The following SPMIP2 variants were observed in gnomAD, a reference collection of about 807,000 sequenced individuals.
SPMIP2 encodes protein SPMIP2.
the SPMIP2 span, among the ~76,000 whole-genome samples, chr4:158,895,246 G>A: frequency 1.0e-3 from 157 of 152,232 alleles, 1 homozygote; most frequent in Non-Finnish European, 1.3e-3. Flanking sequence ...ACCTGTTCCC[G>A]TCAGTCTCCT....
At chr4:158,987,912 A>G in the SPMIP2 span, among the ~76,000 whole-genome samples, 1 of 152,152 alleles carries the variant, frequency 6.6e-6, no homozygotes, top group African/African-American at 2.4e-5. Flanking sequence ...GAACTGAAGG[A>G]GATAGAGACA....
At chr4:158,930,803 A>C in the SPMIP2 span, among the ~76,000 whole-genome samples, 1 of 152,180 alleles carries the variant, frequency 6.6e-6, no homozygotes, top group African/African-American at 2.4e-5. Flanking sequence ...CACTGTGCCC[A>C]GCCTTTACTA....
chr4:159,005,368 T>G, the SPMIP2 span, among the ~76,000 whole-genome samples: 1 of 151,134 alleles, frequency 6.6e-6, no homozygotes, highest in African/African-American at 2.4e-5. Flanking sequence ...TGCTTAAACC[T>G]GGGAGGCAGA....
chr4:158,900,106 A>C, the SPMIP2 span, among the ~76,000 whole-genome samples: 1 of 152,226 alleles, frequency 6.6e-6, no homozygotes, highest in Non-Finnish European at 1.5e-5. Flanking sequence ...TTATGTACCC[A>C]GTAGTCATTC....
the SPMIP2 span, among the ~76,000 whole-genome samples, chr4:158,948,604 T>C: frequency 6.8e-6 from 1 of 146,408 alleles, no homozygotes; most frequent in Non-Finnish European, 1.5e-5. Flanking sequence ...TTTTTTTTTT[T>C]TCAATTCACA....
At chr4:158,922,264 G>A in the SPMIP2 span, among the ~76,000 whole-genome samples, 1 of 152,040 alleles carries the variant, frequency 6.6e-6, no homozygotes, top group Non-Finnish European at 1.5e-5. Context: ...CCTCTGCCTT[G>A]TGTATGGCCT....
chr4:158,980,760 C>T, the SPMIP2 span, among the ~76,000 whole-genome samples: 20 of 152,212 alleles, frequency 1.3e-4, no homozygotes, highest in African/African-American at 3.4e-4. Context: ...GAGAAACCAC[C>T]GCAAAAAGAC....
chr4:158,920,151 C>T, the SPMIP2 span, among the ~76,000 whole-genome samples: 1 of 152,160 alleles, frequency 6.6e-6, no homozygotes, highest in Non-Finnish European at 1.5e-5. Flanking sequence ...TTATGACTGT[C>T]TTTACTTTAA....
the SPMIP2 span, among the ~76,000 whole-genome samples, chr4:159,016,297 C>A: frequency 2.0e-5 from 3 of 152,118 alleles, no homozygotes; most frequent in Non-Finnish European, 4.4e-5. Context: ...GTTTTCCACG[C>A]ACTTCAAAAG....
chr4:158,996,613 G>A, the SPMIP2 span, among the ~76,000 whole-genome samples: 1 of 152,186 alleles, frequency 6.6e-6, no homozygotes, highest in Non-Finnish European at 1.5e-5. Flanking sequence ...GGAATCCAGG[G>A]TTGCTTTCTT....
chr4:158,950,782 G>A, the SPMIP2 span, among the ~76,000 whole-genome samples: 5 of 152,146 alleles, frequency 3.3e-5, no homozygotes, highest in African/African-American at 1.2e-4. Flanking sequence ...TGTAATCCCA[G>A]CTACTCAGGA....
the SPMIP2 span, chr4:159,026,341 G>A: frequency 3.0e-6 from 2 of 656,236 alleles, no homozygotes; most frequent in Middle Eastern, 2.8e-4. Context: ...GAAGTTTGAA[G>A]AAACTACAGC....
the SPMIP2 span, among the ~76,000 whole-genome samples, chr4:159,004,074 T>C: frequency 6.6e-6 from 1 of 152,026 alleles, no homozygotes; most frequent in Non-Finnish European, 1.5e-5. Context: ...TGGAGCACAG[T>C]GGCGCAATCC....
At chr4:159,066,877 T>C in the SPMIP2 span, among the ~76,000 whole-genome samples, 1 of 152,176 alleles carries the variant, frequency 6.6e-6, no homozygotes, top group Non-Finnish European at 1.5e-5. Context: ...AGCGCTGCCT[T>C]TGCAGAGGGA....
At chr4:158,894,381 A>C in the SPMIP2 span, among the ~76,000 whole-genome samples, 1 of 152,180 alleles carries the variant, frequency 6.6e-6, no homozygotes, top group East Asian at 1.9e-4. Context: ...TATGTTGCCT[A>C]GGTTGGTCTT....
chr4:158,937,104 A>T, the SPMIP2 span, among the ~76,000 whole-genome samples: 737 of 152,316 alleles, frequency 4.8e-3, 8 homozygotes, highest in African/African-American at 0.017. Context: ...CTTATTTCTC[A>T]GACATTAATC....
chr4:158,941,032 G>A, the SPMIP2 span, among the ~76,000 whole-genome samples: 7 of 152,224 alleles, frequency 4.6e-5, no homozygotes, highest in African/African-American at 1.7e-4. Flanking sequence ...TAGGAGGAAA[G>A]GTATTTGAAG....
chr4:158,974,837 C>G, the SPMIP2 span, among the ~76,000 whole-genome samples: 14 of 152,122 alleles, frequency 9.2e-5, no homozygotes, highest in African/African-American at 3.4e-4. Flanking sequence ...AATGGAATTG[C>G]TGGGTCAAAT....
At chr4:159,005,786 A>G in the SPMIP2 span, among the ~76,000 whole-genome samples, 2 of 152,122 alleles carry the variant, frequency 1.3e-5, no homozygotes, top group Non-Finnish European at 2.9e-5. Flanking sequence ...TTTTTTTAAG[A>G]GGGAGTTTCA....
Sources: allele counts gnomAD v4.1 joint callset (sites outside exome capture counted in the v4.1 genomes callset), GRCh38; gene constraint gnomAD v4.1.1; transcripts MANE v1.5; gene names NCBI Gene and HGNC (gene_info 2026-07-23, HGNC 2026-07-21).